Variants in NOTCH2NLR observed in about 807,000 individuals in gnomAD.
The protein encoded by NOTCH2NLR is notch 2 N-terminal like R.
A neutral mutation model predicts 35.6 loss-of-function variants in NOTCH2NLR; 33 were observed. The ratio of observed to expected loss-of-function variants is 0.93; its 90% confidence interval spans 0.70 to 1.24. NOTCH2NLR has a LOEUF of 1.24. Ranked by LOEUF, NOTCH2NLR falls within the 50% of genes most tolerant of loss-of-function variation. The probability of loss-of-function intolerance (pLI) is 0.00; values close to 1 mark genes in which losing one functional copy is unlikely to be tolerated. For synonymous variants in NOTCH2NLR, 103 were observed against 141.0 expected (o/e 0.73, Z 1.91); for missense variants, 276 against 362.2 (o/e 0.76, Z 1.93).
At position 120,781,771 on chromosome 1, in the gene NOTCH2NLR, G is replaced by T. The variant is rs1323679665; in HGVS notation, c.156-3203G>T. ...GTAGAGACAGGACTGTGTTAGCCAG[G>T]ATGGTCTCGATCTCCTGACCTGGTG... On this transcript the variant is annotated intron_variant, in intron 2 of 4. Coordinates refer to ENST00000624419, the Ensembl canonical transcript of NOTCH2NLR. 1.0e-3 allele frequency among the ~76,000 whole-genome samples: 120 copies of T among 115,828 alleles called. 36 individuals are homozygous for T. The highest frequency in any genetic ancestry group is 5.2e-3 in the African/African-American group (110 of 21,170). The allele number at this position is 115,828 out of a possible 152,430, so 76.0% of individuals were successfully genotyped here. A position where few individuals can be genotyped will look rare whatever the true frequency, so the allele number is the denominator to read the frequency against.
Position 120,724,116 on chromosome 1 carries a change from G to C in NOTCH2NLR, c.-62G>C. 1 of 1,347,340 alleles carries C rather than the reference G, an allele frequency of 7.4e-7. No individual in the cohort carries two copies. The highest frequency in any genetic ancestry group is 2.6e-5 in the East Asian group (1 of 37,934). 83.5% of individuals were successfully genotyped at this position (1,347,340 alleles called of 1,614,324 possible). On this transcript the variant is annotated 5_prime_UTR_variant, in exon 1 of 5. An upstream start codon of the reference 5' UTR is lost. Transcript: ENST00000624419. ...TCCTCTATCGGGACCCCCTCCCCAT[G>C]TGGATCTGCCCAGGCGGCGGCGGCG...
In NOTCH2NLR at chr1:120,763,618, T is replaced by C. The variant is rs1402798131; in HGVS notation, c.74-10T>C. The C allele has an allele frequency of 2.2e-5, 29 of 1,317,484 alleles. 7 individuals are homozygous for C. Among genetic ancestry groups the C allele is most frequent in the Non-Finnish European group, 3.0e-5 (29 of 971,910 alleles). The allele number at this position is 1,317,484 out of a possible 1,614,324, so 81.6% of individuals were successfully genotyped here. Reference sequence around the variant, plus strand: ...ACTTACTTCTAATGTGCATTTGTTTTTATTTTTAGCATTGCAGTGTCGAGA... The same window carrying C: ...ACTTACTTCTAATGTGCATTTGTTTCTATTTTTAGCATTGCAGTGTCGAGA... On this transcript the variant is annotated splice_polypyrimidine_tract_variant and intron_variant, in intron 1 of 4. Coordinates refer to ENST00000624419, the Ensembl canonical transcript of NOTCH2NLR.
intron 2 of NOTCH2NLR, among the ~76,000 whole-genome samples, chr1:120,776,100 T>G (rs1438830246): frequency 1.7e-5 from 2 of 116,350 alleles, no homozygotes; most frequent in Non-Finnish European, 3.3e-5. Context: ...ACTTTGACCT[T>G]TTGCTTCTGC....
In NOTCH2NLR at chr1:120,779,695, G is replaced by T. The variant is rs1297972376; in HGVS notation, c.156-5279G>T. On this transcript the variant is annotated intron_variant, in intron 2 of 4. Coordinates refer to ENST00000624419, the Ensembl canonical transcript of NOTCH2NLR. The stretch of plus-strand genomic sequence containing the variant: ...CTTAATGGAATTATAGATATGTAAG[G>T]GGTGTTGGGTGTTTAGCCATGTTTT... 1.6e-4 allele frequency among the ~76,000 whole-genome samples: 20 copies of T among 122,090 alleles called. 4 individuals carry two copies. The highest frequency in any genetic ancestry group is 1.2e-3 in the South Asian group (5 of 4,008). The allele number at this position is 122,090 out of a possible 152,430, so 80.1% of individuals were successfully genotyped here.
rs1460871372 is a variant in NOTCH2NLR, at chr1:120,728,980, T to C, written c.73+4730T>C. Among the ~76,000 whole-genome samples the C allele has an allele frequency of 9.9e-3, 1,145 of 116,050 alleles. 192 individuals are homozygous for C. The highest frequency in any genetic ancestry group is 0.013 in the Non-Finnish European group (807 of 60,824). 76.1% of individuals were successfully genotyped at this position (116,050 alleles called of 152,430 possible). A position where few individuals can be genotyped will look rare whatever the true frequency, so the allele number is the denominator to read the frequency against. On this transcript the variant is annotated intron_variant, in intron 1 of 4. Transcript: ENST00000624419. The stretch of plus-strand genomic sequence containing the variant: ...CTGTGCTACACACATTTCTTCTCTG[T>C]ACTACAGAACTTGTCTGGCATGTGC...
At chr1:120,759,882 A>C (rs1436592313) in intron 1 of NOTCH2NLR, among the ~76,000 whole-genome samples, 2 of 108,662 alleles carry the variant, frequency 1.8e-5, no homozygotes, top group Non-Finnish European at 3.4e-5. Flanking sequence ...ATTATTAACT[A>C]TATTCACCAC....
chr1:120,776,479 G>A lies in NOTCH2NLR; in HGVS notation c.156-8495G>A, dbSNP rs1362705172. 2.8e-4 allele frequency among the ~76,000 whole-genome samples: 12 copies of A among 43,300 alleles called. 1 individual carries two copies. The highest frequency in any genetic ancestry group is 0.012 in the Middle Eastern group (2 of 164). 28.4% of individuals were successfully genotyped at this position (43,300 alleles called of 152,430 possible). A position where few individuals can be genotyped will look rare whatever the true frequency, so the allele number is the denominator to read the frequency against. The stretch of plus-strand genomic sequence containing the variant: ...GAGCTTGAGATGAAACAATTTCTCA[G>A]TGTGTTGTTTGAATACAATGTATAC... On this transcript the variant is annotated intron_variant, in intron 2 of 4. Transcript: ENST00000624419.
rs1473323073 is a variant in NOTCH2NLR at position 120,737,874 on chromosome 1, TG to T, written c.73+13625del. Among the ~76,000 whole-genome samples the T allele has an allele frequency of 3.9e-5, 4 of 101,878 alleles. 1 individual carries two copies. 66.8% of individuals were successfully genotyped at this position (101,878 alleles called of 152,430 possible). Reference sequence around the variant, plus strand: ...ACAAGTGGTTGTCAGGTTTTTATTTTGTTTTGTTTTAAGAAAAAATTCCAAA... The same window carrying T: ...ACAAGTGGTTGTCAGGTTTTTATTTTTTTTGTTTTAAGAAAAAATTCCAAA... On this transcript the variant is annotated intron_variant, in intron 1 of 4. Coordinates refer to ENST00000624419, the Ensembl canonical transcript of NOTCH2NLR.
rs1650827786 is a variant in NOTCH2NLR, at chr1:120,727,451, G to C, written c.73+3201G>C. 1.8e-5 allele frequency among the ~76,000 whole-genome samples: 2 copies of C among 114,150 alleles called. 1 individual carries two copies. Among genetic ancestry groups the C allele is most frequent in the Non-Finnish European group, 3.3e-5 (2 of 60,144 alleles). 74.9% of individuals were successfully genotyped at this position (114,150 alleles called of 152,430 possible). A position where few individuals can be genotyped will look rare whatever the true frequency, so the allele number is the denominator to read the frequency against. On this transcript the variant is annotated intron_variant, in intron 1 of 4. Coordinates refer to ENST00000624419, the Ensembl canonical transcript of NOTCH2NLR. The stretch of plus-strand genomic sequence containing the variant: ...TATAGAATATAATGTCATTTCTTCT[G>C]TTTATCTGGGTGCAGTATGTCTGCA...
At position 120,755,965 on chromosome 1, in the gene NOTCH2NLR, C is replaced by T. The variant is rs1424214588; in HGVS notation, c.74-7663C>T. On this transcript the variant is annotated intron_variant, in intron 1 of 4. Coordinates refer to ENST00000624419, the Ensembl canonical transcript of NOTCH2NLR. The stretch of plus-strand genomic sequence containing the variant: ...TTTTTTTTTTTTTTTTCCTTTCAAT[C>T]AAGACAAATTTCAAGGAGGAAGACA... 1.5e-4 allele frequency among the ~76,000 whole-genome samples: 15 copies of T among 102,162 alleles called. 3 individuals carry two copies. Among genetic ancestry groups the T allele is most frequent in the Non-Finnish European group, 2.5e-4 (14 of 55,674 alleles). 67.0% of individuals were successfully genotyped at this position (102,162 alleles called of 152,430 possible). A position where few individuals can be genotyped will look rare whatever the true frequency, so the allele number is the denominator to read the frequency against.
chr1:120,730,625 G>T lies in NOTCH2NLR; in HGVS notation c.73+6375G>T. ...TTTTGGAGGAGAATATTATCTGTGT[G>T]GCAGAACATACATTGTGGTCTTAAA... On this transcript the variant is annotated intron_variant, in intron 1 of 4. Coordinates refer to ENST00000624419, the Ensembl canonical transcript of NOTCH2NLR. Among the ~76,000 whole-genome samples the T allele has an allele frequency of 1.7e-5, 2 of 114,638 alleles. 1 individual carries two copies. Among genetic ancestry groups the T allele is most frequent in the Non-Finnish European group, 3.3e-5 (2 of 60,382 alleles). 75.2% of individuals were successfully genotyped at this position (114,638 alleles called of 152,430 possible).
rs1352398653 is a variant in NOTCH2NLR at position 120,733,266 on chromosome 1, C to T, written c.73+9016C>T. 7.0e-5 allele frequency among the ~76,000 whole-genome samples: 6 copies of T among 86,088 alleles called. 1 individual carries two copies. Among genetic ancestry groups the T allele is most frequent in the Admixed American group, 2.3e-4 (2 of 8,552 alleles). The allele number at this position is 86,088 out of a possible 152,430, so 56.5% of individuals were successfully genotyped here. A position where few individuals can be genotyped will look rare whatever the true frequency, so the allele number is the denominator to read the frequency against. ...TAAATATTACTTAATCTTAATATGCCTCTCTCATTACAGTGATATTGAATG... is the reference window on the plus strand; with the variant it reads ...TAAATATTACTTAATCTTAATATGCTTCTCTCATTACAGTGATATTGAATG... On this transcript the variant is annotated intron_variant, in intron 1 of 4. Coordinates refer to ENST00000624419, the Ensembl canonical transcript of NOTCH2NLR.
In NOTCH2NLR at chr1:120,783,735, TA is replaced by T. The variant is rs1336817863; in HGVS notation, c.156-1236del. Reference sequence around the variant, plus strand: ...GAGAAAGAGCAGTGCAGTCCAGACTTAAACGTTAGGGTGGCCATAATATATG... The same window carrying T: ...GAGAAAGAGCAGTGCAGTCCAGACTTAACGTTAGGGTGGCCATAATATATG... On this transcript the variant is annotated intron_variant, in intron 2 of 4. Transcript: ENST00000624419. Among the ~76,000 whole-genome samples the T allele has an allele frequency of 3.4e-5, 4 of 117,270 alleles. 1 individual carries two copies. The highest frequency in any genetic ancestry group is 8.2e-5 in the Admixed American group (1 of 12,254). 76.9% of individuals were successfully genotyped at this position (117,270 alleles called of 152,430 possible).
At position 120,781,929 on chromosome 1, in the gene NOTCH2NLR, G is replaced by A. The variant is rs1458336916; in HGVS notation, c.156-3045G>A. On this transcript the variant is annotated intron_variant, in intron 2 of 4. Transcript: ENST00000624419. The stretch of plus-strand genomic sequence containing the variant: ...AAAATGGAGATTATAATATAGCACT[G>A]GAGCGAGTAATACAAGAGACAATAG... Among the ~76,000 whole-genome samples the A allele has an allele frequency of 3.7e-5, 4 of 108,982 alleles. 1 individual carries two copies. The highest frequency in any genetic ancestry group is 2.2e-4 in the African/African-American group (4 of 17,788). The allele number at this position is 108,982 out of a possible 152,430, so 71.5% of individuals were successfully genotyped here.
chr1:120,733,131 ATG>A (rs1327330205), intron 1 of NOTCH2NLR, among the ~76,000 whole-genome samples: 1 of 91,892 alleles, frequency 1.1e-5, no homozygotes, highest in Non-Finnish European at 1.9e-5. Flanking sequence ...ATATATATAT[ATG>A]TTTAGTTTAT....
Position 120,763,562 on chromosome 1 carries a change from C to A in NOTCH2NLR, c.74-66C>A. 7.2e-6 allele frequency: 5 copies of A among 694,756 alleles called. 1 individual carries two copies. Among genetic ancestry groups the A allele is most frequent in the Non-Finnish European group, 1.2e-5 (5 of 428,958 alleles). The allele number at this position is 694,756 out of a possible 1,614,324, so 43.0% of individuals were successfully genotyped here. A position where few individuals can be genotyped will look rare whatever the true frequency, so the allele number is the denominator to read the frequency against. On this transcript the variant is annotated intron_variant, in intron 1 of 4. Coordinates refer to ENST00000624419, the Ensembl canonical transcript of NOTCH2NLR. ...GAATGCTGATCTGGATTGGATTACA[C>A]TTCTTTGGTGTCTGAGGGTTATGAT...
chr1:120,783,484 C>G (rs1651388387), intron 2 of NOTCH2NLR, among the ~76,000 whole-genome samples: 1 of 40,284 alleles, frequency 2.5e-5, no homozygotes, highest in South Asian at 9.2e-4. Flanking sequence ...GATGAAGTTA[C>G]TTTAAATTGT....
chr1:120,730,526 T>G lies in NOTCH2NLR; in HGVS notation c.73+6276T>G, dbSNP rs1426370133. Among the ~76,000 whole-genome samples, 3 of 98,290 alleles carry G rather than the reference T, an allele frequency of 3.1e-5. 1 individual carries two copies. Among genetic ancestry groups the G allele is most frequent in the Non-Finnish European group, 5.5e-5 (3 of 54,136 alleles). 64.5% of individuals were successfully genotyped at this position (98,290 alleles called of 152,430 possible). A position where few individuals can be genotyped will look rare whatever the true frequency, so the allele number is the denominator to read the frequency against. On this transcript the variant is annotated intron_variant, in intron 1 of 4. Transcript: ENST00000624419. ...GATCTGAAAGGATATGCTCATAGGC[T>G]TGAGACGGGACAAACTGCATCACTG...
chr1:120,793,229 G>T lies in NOTCH2NLR; in HGVS notation c.484G>T (p.Val162Leu). ...TGCAAATGGAAGTACCTGTACCACT[G>T]TGGCCAACCAGTTCTCCTGCAAATG... The change falls in exon 4 of 5, where the codon GTG becomes TTG. Residue 162 changes from valine (V) to leucine (L), a missense_variant. Physicochemically the swap from Val to Leu is conservative, Grantham distance 32 (BLOSUM62 1). Coordinates refer to ENST00000624419, the Ensembl canonical transcript of NOTCH2NLR. The T allele has an allele frequency of 2.1e-6, 3 of 1,441,464 alleles. 1 individual carries two copies. Among genetic ancestry groups the T allele is most frequent in the Non-Finnish European group, 2.8e-6 (3 of 1,080,434 alleles). 89.3% of individuals were successfully genotyped at this position (1,441,464 alleles called of 1,614,324 possible). A position where few individuals can be genotyped will look rare whatever the true frequency, so the allele number is the denominator to read the frequency against.
Sources: allele counts gnomAD v4.1 joint callset (sites outside exome capture counted in the v4.1 genomes callset), GRCh38; gene constraint gnomAD v4.1.1; transcripts MANE v1.5; gene names NCBI Gene and HGNC (gene_info 2026-07-23, HGNC 2026-07-21).